The following MCF2L2 variants were observed in gnomAD, a reference collection of about 807,000 sequenced individuals.
MCF2L2 encodes probable guanine nucleotide exchange factor MCF2L2.
In MCF2L2, 102 loss-of-function variants were observed where a neutral mutation model predicts 150.2. The observed-to-expected ratio is 0.68, with a 90% confidence interval of 0.58 to 0.80. The LOEUF (loss-of-function observed/expected upper bound fraction) is 0.80. Ranked by LOEUF, MCF2L2 falls within the 30% of genes least tolerant of loss-of-function variation. The probability of loss-of-function intolerance (pLI) is 0.00; values close to 1 mark genes in which losing one functional copy is unlikely to be tolerated. For synonymous variants in MCF2L2, 465 were observed against 491.3 expected, an observed-to-expected ratio of 0.95 and a Z score of 0.71; for missense variants, 1,256 against 1,372.8, an observed-to-expected ratio of 0.91 and a Z score of 1.34.
At chr3:183,328,769 G>GC (rs1014777204) in intron 5 of MCF2L2, among the ~76,000 whole-genome samples, 6 of 152,072 alleles carry the variant, frequency 3.9e-5, no homozygotes, top group African/African-American at 1.4e-4. Flanking sequence ...GAAAATATTT[G>GC]CAAGTCATAT....
intron 1 of MCF2L2, among the ~76,000 whole-genome samples, chr3:183,422,608 A>C (rs779997568): frequency 1.3e-5 from 2 of 152,198 alleles, no homozygotes; most frequent in African/African-American, 2.4e-5. Context: ...GAGTTAGAGA[A>C]GATGAGAAAT....
chr3:183,328,073 T>A (rs1730123265), intron 5 of MCF2L2, among the ~76,000 whole-genome samples: 1 of 152,122 alleles, frequency 6.6e-6, no homozygotes, highest in Non-Finnish European at 1.5e-5. Context: ...AAGAAGAAGA[T>A]TAAACTCTAT....
intron 25 of MCF2L2, among the ~76,000 whole-genome samples, chr3:183,196,896 A>T (rs962470558): frequency 6.6e-6 from 1 of 152,152 alleles, no homozygotes; most frequent in Non-Finnish European, 1.5e-5. Flanking sequence ...GGCCTTAAGG[A>T]GGGCTTGAGA....
intron 13 of MCF2L2, among the ~76,000 whole-genome samples, chr3:183,291,897 A>C (rs1577031544): frequency 6.6e-6 from 1 of 152,368 alleles, no homozygotes; most frequent in East Asian, 1.9e-4. Flanking sequence ...TATTTACTTG[A>C]AACAAACATA....
chr3:183,182,751 C>T (rs1420055730), intron 27 of MCF2L2: 4 of 152,214 alleles, frequency 2.6e-5, no homozygotes, highest in Non-Finnish European at 5.9e-5. Context: ...CTGGAAGAAA[C>T]TCAGAATTCT....
chr3:183,280,169 C>A (rs1187001041), intron 14 of MCF2L2, among the ~76,000 whole-genome samples: 1 of 151,966 alleles, frequency 6.6e-6, no homozygotes, highest in African/African-American at 2.4e-5. Flanking sequence ...GTGACGCTTA[C>A]CAACACGCAG....
intron 21 of MCF2L2, among the ~76,000 whole-genome samples, chr3:183,218,293 AAG>A (rs1224286480): frequency 6.6e-6 from 1 of 152,342 alleles, no homozygotes; most frequent in East Asian, 1.9e-4. Flanking sequence ...TTCCTGGTAA[AAG>A]AAAACAGACT....
rs1288899662 is a variant in MCF2L2, at chr3:183,270,961, A to G, written c.1862+5911T>C. The G allele has an allele frequency of 2.0e-6, 3 of 1,528,642 alleles. No homozygotes were observed. The highest frequency in any genetic ancestry group is 2.6e-6 in the Non-Finnish European group (3 of 1,140,160). 94.7% of individuals were successfully genotyped at this position (1,528,642 alleles called of 1,614,324 possible). ...TAGTACTTGAATGTTGTATGTTTTC[A>G]CTGTCACTGAGTCAAACCTGGATGA... is the stretch of plus-strand genomic sequence containing the variant. On this transcript the variant is annotated intron_variant, in intron 15 of 29. Coordinates refer to ENST00000328913, the MANE Select transcript of MCF2L2 (RefSeq NM_015078.4). This position sits in a 1 kb window ranked among gnomAD's most constrained non-coding sequence, Gnocchi z 4.5.
intron 1 of MCF2L2, chr3:183,400,240 C>T (rs1314456102): frequency 3.1e-6 from 1 of 327,810 alleles, no homozygotes; most frequent in Non-Finnish European, 6.0e-6. Flanking sequence ...GACGGTACTG[C>T]AAAGTAAGAT....
At position 183,289,084 on chromosome 3, in the gene MCF2L2, C is replaced by A. The variant is rs779156028; in HGVS notation, c.1776+36G>T. The A allele has an allele frequency of 4.3e-6, 6 of 1,390,588 alleles. No individual in the cohort carries two copies. In the East Asian group the frequency reaches 1.1e-4, roughly 27 times the overall value. 86.1% of individuals were successfully genotyped at this position (1,390,588 alleles called of 1,614,324 possible). ...TTGTGACAGCAATCTTCCCTCTTGT[C>A]AGGAAGTTCTATAAGTAAAATAAAG... is the stretch of plus-strand genomic sequence containing the variant. On this transcript the variant is annotated intron_variant, in intron 14 of 29. Coordinates refer to ENST00000328913, the MANE Select transcript of MCF2L2 (RefSeq NM_015078.4).
chr3:183,292,186 G>T (rs1180708438), intron 13 of MCF2L2, among the ~76,000 whole-genome samples: 3 of 152,096 alleles, frequency 2.0e-5, no homozygotes, highest in Non-Finnish European at 4.4e-5. Flanking sequence ...TGGAAGACAA[G>T]GGATCGTAAA....
chr3:183,219,861 C>G lies in MCF2L2; in HGVS notation c.2365G>C (p.Ala789Pro). 6.2e-7 allele frequency: 1 copy of G among 1,610,338 alleles called. No individual in the cohort carries two copies. Among genetic ancestry groups the G allele is most frequent in the South Asian group, 1.1e-5 (1 of 90,962 alleles). ...EIDPGELGGS[A>P]KDGPKRTKDS... The stretch of plus-strand genomic sequence containing the variant: ...TAATATTTAATATTGAGTACCTTAG[C>G]CGAGCCTCCTAGTTCACCTGGGTCT... The change falls in exon 21 of 30, where the codon GCT (alanine) becomes CCT (proline). Residue 789 changes from alanine to proline, a missense_variant. Coordinates refer to ENST00000328913, the MANE Select transcript of MCF2L2 (RefSeq NM_015078.4).
chr3:183,207,462 G>A (rs1396565631), intron 23 of MCF2L2, 146 bp downstream of exon 23: 3 of 647,220 alleles, frequency 4.6e-6, no homozygotes, highest in African/African-American at 3.6e-5. Flanking sequence ...AGACAGACCC[G>A]GCTATGGATT....
intron 1 of MCF2L2, among the ~76,000 whole-genome samples, chr3:183,399,190 T>C (rs1366213962): frequency 1.3e-5 from 2 of 152,216 alleles, no homozygotes; most frequent in East Asian, 3.8e-4. Flanking sequence ...CCTTTGAGAA[T>C]ATAATTTATG....
chr3:183,392,533 G>T (rs1714216222), intron 1 of MCF2L2, among the ~76,000 whole-genome samples: 1 of 152,222 alleles, frequency 6.6e-6, no homozygotes, highest in African/African-American at 2.4e-5. Context: ...GAATAGCAAT[G>T]AGCTGCTTTG....
chr3:183,420,732 G>A lies in MCF2L2; in HGVS notation c.76+7170C>T, dbSNP rs951016210. Among the ~76,000 whole-genome samples, 6 of 152,308 alleles carry A rather than the reference G, an allele frequency of 3.9e-5. 1 individual carries two copies. The highest frequency in any genetic ancestry group is 1.3e-4 in the Admixed American group (2 of 15,306). On this transcript the variant is annotated intron_variant, in intron 1 of 29. Transcript: ENST00000328913. Reference sequence around the variant, plus strand: ...TGACAGAAGGCAAAGGGGAAGTAAGGCACATCTTCGCAAGGCAGCAGGAGA... The same window carrying A: ...TGACAGAAGGCAAAGGGGAAGTAAGACACATCTTCGCAAGGCAGCAGGAGA...
At chr3:183,426,704 C>T (rs746182832) in intron 1 of MCF2L2, among the ~76,000 whole-genome samples, 9 of 152,204 alleles carry the variant, frequency 5.9e-5, no homozygotes, top group Non-Finnish European at 1.2e-4. Context: ...ATTACAAGTT[C>T]TTTTTCCTCT....
intron 15 of MCF2L2, among the ~76,000 whole-genome samples, chr3:183,239,162 T>C (rs1364094604): frequency 6.6e-6 from 1 of 152,180 alleles, no homozygotes; most frequent in Non-Finnish European, 1.5e-5. Context: ...TACTCAGAGC[T>C]AGAGGACTGC....
Position 183,322,363 on chromosome 3 carries a change from A to G in MCF2L2, c.603+872T>C, listed in dbSNP as rs1032877797. Among the ~76,000 whole-genome samples, 37 of 152,316 alleles carry G rather than the reference A, an allele frequency of 2.4e-4. 1 individual carries two copies. The highest frequency in any genetic ancestry group is 8.4e-4 in the African/African-American group (35 of 41,568). ...GCATTGGCTATTCACACTTTGGGCC[A>G]GAGGATTCTTTGTTGTGGGAGGCTG... is the stretch of plus-strand genomic sequence containing the variant. On this transcript the variant is annotated intron_variant, in intron 6 of 29. Coordinates refer to ENST00000328913, the MANE Select transcript of MCF2L2 (RefSeq NM_015078.4).
Sources: allele counts gnomAD v4.1 joint callset (sites outside exome capture counted in the v4.1 genomes callset), GRCh38; gene constraint gnomAD v4.1.1; non-coding constraint Gnocchi (gnomAD v3.1); transcripts MANE v1.5; gene names NCBI Gene and HGNC (gene_info 2026-07-23, HGNC 2026-07-21).